The following PRDM16 variants were observed in gnomAD, a reference collection of about 807,000 sequenced individuals.
PRDM16 encodes histone-lysine N-methyltransferase PRDM16.
In PRDM16, 23 loss-of-function variants were observed where a neutral mutation model predicts 110.6. The observed-to-expected ratio is 0.21, with a 90% CI of 0.15 to 0.29. PRDM16 has a LOEUF of 0.29. PRDM16 is among the 10% of genes least tolerant of loss of function. The pLI, the probability that PRDM16 is intolerant of heterozygous loss-of-function variation, is 1.00. For missense variants in PRDM16, 1,615 were observed against 1,794.3 expected, an observed-to-expected ratio of 0.90 and a Z score of 1.81; for synonymous variants, 799 against 781.8, an observed-to-expected ratio of 1.02 and a Z score of -0.37.
intron 3 of PRDM16, among the ~76,000 whole-genome samples, chr1:3,373,826 G>A (rs1340970695): frequency 6.6e-6 from 1 of 152,234 alleles, no homozygotes; most frequent in African/African-American, 2.4e-5. Flanking sequence ...CATCCCCACG[G>A]GGACACATGG....
chr1:3,227,604 G>A (rs1354789343), intron 2 of PRDM16, among the ~76,000 whole-genome samples: 1 of 152,256 alleles, frequency 6.6e-6, no homozygotes, highest in Non-Finnish European at 1.5e-5. Context: ...ATCAGGACCC[G>A]TGGGCCCCAA....
At chr1:3,324,976 G>A (rs1243683363) in intron 3 of PRDM16, among the ~76,000 whole-genome samples, 11 of 152,166 alleles carry the variant, frequency 7.2e-5, no homozygotes, top group Admixed American at 3.9e-4. Flanking sequence ...CACGCGAGGG[G>A]CTGAGCAGAG....
intron 3 of PRDM16, among the ~76,000 whole-genome samples, chr1:3,372,275 C>T (rs1010655992): frequency 1.3e-5 from 2 of 152,228 alleles, no homozygotes; most frequent in African/African-American, 4.8e-5. Flanking sequence ...CTGGGCTTGC[C>T]CCAAAGGCCC....
At chr1:3,338,346 C>T (rs1458090489) in intron 3 of PRDM16, among the ~76,000 whole-genome samples, 3 of 152,220 alleles carry the variant, frequency 2.0e-5, no homozygotes, top group Non-Finnish European at 2.9e-5. Context: ...GGGCCCAATT[C>T]GAGGCCCCAG....
chr1:3,171,030 G>A (rs894613746), intron 1 of PRDM16, among the ~76,000 whole-genome samples: 8 of 152,224 alleles, frequency 5.3e-5, no homozygotes, highest in Admixed American at 5.2e-4. Flanking sequence ...GGGAAGGCTG[G>A]GATAGGGGCA....
At position 3,304,814 on chromosome 1, in the gene PRDM16, C is replaced by T. The variant is rs180805163; in HGVS notation, c.438+60677C>T. Among the ~76,000 whole-genome samples, 890 of 152,294 alleles carry T rather than the reference C, an allele frequency of 5.8e-3. 8 individuals carry two copies. Among genetic ancestry groups the T allele is most frequent in the African/African-American group, 0.019 (801 of 41,570 alleles). On this transcript the variant is annotated intron_variant, in intron 3 of 16. Coordinates refer to ENST00000270722, the MANE Select transcript of PRDM16 (RefSeq NM_022114.4). Reference sequence around the variant, plus strand: ...AGGTGGTCTCAGGACACCGTGCCGCCCCTGTGGCCTCCTCCTCCTCAGCCC... The same window carrying T: ...AGGTGGTCTCAGGACACCGTGCCGCTCCTGTGGCCTCCTCCTCCTCAGCCC...
At chr1:3,130,618 C>T (rs1006463112) in intron 1 of PRDM16, among the ~76,000 whole-genome samples, 4 of 152,132 alleles carry the variant, frequency 2.6e-5, no homozygotes, top group African/African-American at 7.2e-5. Context: ...ATGCGCCCCA[C>T]GCACAGCTCT....
intron 2 of PRDM16, among the ~76,000 whole-genome samples, chr1:3,194,020 A>G (rs1203590920): frequency 1.3e-5 from 2 of 152,228 alleles, no homozygotes; most frequent in Admixed American, 1.3e-4. Context: ...AGCTCCCAGG[A>G]GATCCTAATT....
rs1213032232 is a variant in PRDM16, at chr1:3,269,793, A to AGGAGTAGCATAATCCTG, written c.438+25657_438+25658insGAGTAGCATAATCCTGG. Among the ~76,000 whole-genome samples, 3 of 101,946 alleles carry AGGAGTAGCATAATCCTG rather than the reference A, an allele frequency of 2.9e-5. No individual in the cohort carries two copies. The South Asian group carries it at 8.6e-4, about 29-fold the overall frequency. The allele number at this position is 101,946 out of a possible 152,430, so 66.9% of individuals were successfully genotyped here. ...GACAGTCCCAGAGGAGGAAAGTCTC[A>AGGAGTAGCATAATCCTG]GAGGAGGACAGTCCCAGAGAATGAC... On this transcript the variant is annotated intron_variant, in intron 3 of 16. Coordinates refer to ENST00000270722, the MANE Select transcript of PRDM16 (RefSeq NM_022114.4).
rs941646996 is a variant in PRDM16 at position 3,246,478 on chromosome 1, G to A, written c.438+2341G>A. Among the ~76,000 whole-genome samples the A allele has an allele frequency of 4.6e-5, 7 of 152,172 alleles. No individual in the cohort carries two copies. The highest frequency in any genetic ancestry group is 7.3e-5 in the Non-Finnish European group (5 of 68,040). ...AGCGCAGGGTACCAGAGCCAGCATC[G>A]GGGGCGTTGGTGGGCGGTCCTGTCC... On this transcript the variant is annotated intron_variant, in intron 3 of 16. Coordinates refer to ENST00000270722, the MANE Select transcript of PRDM16 (RefSeq NM_022114.4). The surrounding 1 kb of genome is among the most constrained non-coding windows in gnomAD (Gnocchi z 5.2).
intron 1 of PRDM16, among the ~76,000 whole-genome samples, chr1:3,171,758 C>T (rs1644028007): frequency 6.6e-6 from 1 of 152,146 alleles, no homozygotes. Context: ...AACACCTAAG[C>T]ACCTGGCTGA....
At chr1:3,298,567 G>C (rs540318055) in intron 3 of PRDM16, among the ~76,000 whole-genome samples, 2 of 152,330 alleles carry the variant, frequency 1.3e-5, no homozygotes, top group South Asian at 4.1e-4. Context: ...CACATTGTGA[G>C]TCCTCAACAA....
chr1:3,286,801 AG>A (rs1335619247), intron 3 of PRDM16, among the ~76,000 whole-genome samples: 2 of 152,206 alleles, frequency 1.3e-5, no homozygotes, highest in African/African-American at 4.8e-5. Flanking sequence ...CACAGAGTGG[AG>A]GGGCCGCCCA....
At position 3,350,611 on chromosome 1, in the gene PRDM16, C is replaced by G. The variant is rs1435579272; in HGVS notation, c.439-34541C>G. Among the ~76,000 whole-genome samples the G allele has an allele frequency of 6.6e-6, 1 of 152,068 alleles. No homozygotes were observed. The highest frequency in any genetic ancestry group is 1.5e-5 in the Non-Finnish European group (1 of 67,996). On this transcript the variant is annotated intron_variant, in intron 3 of 16. Coordinates refer to ENST00000270722, the MANE Select transcript of PRDM16 (RefSeq NM_022114.4). This position sits in a 1 kb window ranked among gnomAD's most constrained non-coding sequence, Gnocchi z 7.1. ...GCGGGTGGAAAGCAGAGCTGGGAGC[C>G]AGCCCTGCCCGGCCAGGGCTCGGGC...
intron 11 of PRDM16, 77 bp from the exon 12 acceptor site, chr1:3,418,590 T>A: frequency 2.0e-6 from 2 of 1,018,646 alleles, no homozygotes; most frequent in Non-Finnish European, 3.1e-6. Context: ...GAGCATTAGC[T>A]TGAAACCATT....
intron 1 of PRDM16, among the ~76,000 whole-genome samples, chr1:3,117,821 T>G (rs1430489802): frequency 6.6e-6 from 1 of 152,086 alleles, no homozygotes; most frequent in Non-Finnish European, 1.5e-5. Context: ...CTCGCTGGTC[T>G]TGGGGAGAGG....
chr1:3,074,588 A>T (rs1157762915), intron 1 of PRDM16, among the ~76,000 whole-genome samples: 1 of 151,600 alleles, frequency 6.6e-6, no homozygotes, highest in African/African-American at 2.4e-5. Context: ...TCCGTCCCCC[A>T]CAGCTCCTGC....
chr1:3,166,477 G>A (rs1373456618), intron 1 of PRDM16, among the ~76,000 whole-genome samples: 1 of 152,258 alleles, frequency 6.6e-6, no homozygotes, highest in Non-Finnish European at 1.5e-5. Flanking sequence ...AACTGCTTTT[G>A]CTAAGCCCAC....
intron 3 of PRDM16, among the ~76,000 whole-genome samples, chr1:3,369,689 T>TC (rs1642876865): frequency 1.3e-5 from 2 of 152,170 alleles, no homozygotes; most frequent in South Asian, 4.1e-4. Context: ...GAAAAGCATG[T>TC]CTCTCTCAAT....
Sources: gnomAD v4.1 joint callset for allele counts (sites outside exome capture counted in the v4.1 genomes callset) on GRCh38, gnomAD v4.1.1 for gene constraint, Gnocchi (gnomAD v3.1) non-coding constraint, MANE v1.5 for transcripts, NCBI Gene and HGNC (gene_info 2026-07-23, HGNC 2026-07-21) for gene names.